PCYT1B: variants seen among roughly 807,000 people sequenced by gnomAD.
The protein encoded by PCYT1B is phosphate cytidylyltransferase 1B, choline.
PCYT1B carries 10 observed loss-of-function variants against 26.4 expected under a neutral mutation model. The observed-to-expected ratio is 0.38, with a 90% CI of 0.23 to 0.64. The LOEUF (loss-of-function observed/expected upper bound fraction) is 0.64, where lower values mean the gene tolerates loss of function less well. PCYT1B is among the 30% of genes least tolerant of loss of function. The probability of loss-of-function intolerance (pLI) is 0.56; values close to 1 mark genes in which losing one functional copy is unlikely to be tolerated. For synonymous variants in PCYT1B, 131 were observed against 108.4 expected (o/e 1.21, Z -1.29); for missense variants, 161 against 292.7 (o/e 0.55, Z 3.28).
rs1229749653 is a variant in PCYT1B at position 24,599,316 on chromosome X, T to C, written c.334+8429A>G. On this transcript the variant is annotated intron_variant, in intron 3 of 7. Transcript: ENST00000379144. ...CAATAATAATAATAAATTATGTTGTTATTTTTGGTAAATAACTCAGAAGTT... is the reference window on the plus strand; with the variant it reads ...CAATAATAATAATAAATTATGTTGTCATTTTTGGTAAATAACTCAGAAGTT... Among the ~76,000 whole-genome samples the C allele has an allele frequency of 2.1e-4, 23 of 112,072 alleles. No individual in the cohort carries two copies. The Admixed American group carries it at 2.2e-3, about 11-fold the overall frequency.
chrX:24,579,442 C>A lies in PCYT1B; in HGVS notation c.582G>T (p.Thr194=), dbSNP rs374179198. The A allele has an allele frequency of 1.2e-5, 15 of 1,208,917 alleles. No homozygotes were observed. The highest frequency in any genetic ancestry group is 1.8e-5 in the South Asian group (1 of 56,718). ...HIKEAGMFVP[T]QRTEGISTSD... ...ATGTTGAGATGCCTTCTGTTCTCTG[C>A]GTTGGAACGAACATCCCTGTTCAAG... is the stretch of plus-strand genomic sequence containing the variant. Residue 194 remains threonine, a synonymous_variant, in exon 6 of 8, where the codon ACG becomes ACT. Coordinates refer to ENST00000379144, the MANE Select transcript of PCYT1B (RefSeq NM_004845.5).
At chrX:24,596,675 G>A (rs1285147038) in intron 3 of PCYT1B, among the ~76,000 whole-genome samples, 1 of 110,174 alleles carries the variant, frequency 9.1e-6, no homozygotes, top group Non-Finnish European at 1.9e-5. Context: ...CTAAGGTTGA[G>A]AAATAGACTA....
chrX:24,671,440 C>G (rs768501883), intron 1 of PCYT1B, among the ~76,000 whole-genome samples: 2 of 111,200 alleles, frequency 1.8e-5, no homozygotes, highest in South Asian at 7.8e-4. Flanking sequence ...GTACAAATTT[C>G]TCCAAATTTA....
At chrX:24,647,944 C>T (rs1466156212), upstream of PCYT1B, among the ~76,000 whole-genome samples, 1 of 112,245 alleles carries the variant, frequency 8.9e-6, no homozygotes, top group Non-Finnish European at 1.9e-5. Flanking sequence ...GCTGCCCTTT[C>T]GCAGTTGCTT....
chrX:24,651,850 A>G (rs1926791122), upstream of PCYT1B, among the ~76,000 whole-genome samples: 1 of 110,180 alleles, frequency 9.1e-6, no homozygotes, highest in Non-Finnish European at 1.9e-5. Context: ...AACAATGAAC[A>G]TTACTGTCCT....
intron 1 of PCYT1B, among the ~76,000 whole-genome samples, chrX:24,654,409 C>T (rs904817430): frequency 9.6e-6 from 1 of 104,018 alleles, no homozygotes; most frequent in Admixed American, 1.0e-4. Flanking sequence ...GCCTGGCCCA[C>T]GTTTCCTTTT....
chrX:24,629,420 T>C (rs746912561), intron 1 of PCYT1B, among the ~76,000 whole-genome samples: 1 of 106,853 alleles, frequency 9.4e-6, no homozygotes, highest in Non-Finnish European at 1.9e-5. Flanking sequence ...TAGCTAGGCA[T>C]GGTGGTGTAC....
intron 1 of PCYT1B, chrX:24,632,364 C>G: frequency 6.7e-6 from 1 of 149,162 alleles, no homozygotes; most frequent in East Asian, 1.6e-4. Context: ...GCTACTCTAT[C>G]TACATTTACA....
upstream of PCYT1B, chrX:24,672,739 C>T: frequency 1.7e-6 from 1 of 578,730 alleles, no homozygotes. Flanking sequence ...GTCAAGCAGG[C>T]TCTCTGTGCC....
chrX:24,587,463 G>A (rs1924405823), intron 4 of PCYT1B, 144 bp from the exon 5 acceptor site: 3 of 442,213 alleles, frequency 6.8e-6, no homozygotes, highest in Non-Finnish European at 1.2e-5. Flanking sequence ...TGAATCCTTG[G>A]CTGAAATGTA....
At chrX:24,607,037 C>G (rs1032312811) in intron 3 of PCYT1B, among the ~76,000 whole-genome samples, 3 of 112,105 alleles carry the variant, frequency 2.7e-5, no homozygotes, top group Non-Finnish European at 5.6e-5. Flanking sequence ...TGAATATGCT[C>G]CTTCCTGAAG....
intron 4 of PCYT1B, among the ~76,000 whole-genome samples, chrX:24,588,893 ATGTT>A (rs1238241060): frequency 1.4e-4 from 16 of 111,127 alleles, no homozygotes; most frequent in Middle Eastern, 4.2e-3. Context: ...TCCTCAATAA[ATGTT>A]TATTATTATT....
intron 1 of PCYT1B, among the ~76,000 whole-genome samples, chrX:24,656,229 C>CGGGG (rs34445837): frequency 7.5e-4 from 33 of 43,958 alleles, no homozygotes; most frequent in African/African-American, 9.0e-4. Context: ...CAGGGGGTCG[C>CGGGG]GGGGGGGGGT....
intron 4 of PCYT1B, 120 bp from the exon 5 acceptor site, chrX:24,587,439 T>A (rs1397748426): frequency 1.0e-5 from 5 of 483,645 alleles, no homozygotes; most frequent in Non-Finnish European, 1.9e-5. Flanking sequence ...TATGTTACAT[T>A]TATAGTGGAG....
At chrX:24,639,805 T>G (rs746884601) in intron 1 of PCYT1B, among the ~76,000 whole-genome samples, 1 of 111,040 alleles carries the variant, frequency 9.0e-6, no homozygotes, top group South Asian at 3.9e-4. Flanking sequence ...GGTGTCTTTT[T>G]TTCTCCCTGA....
chrX:24,649,443 G>A (rs139508913), upstream of PCYT1B, among the ~76,000 whole-genome samples: 1,939 of 110,861 alleles, frequency 0.017, 45 homozygotes, highest in African/African-American at 0.061. Flanking sequence ...AAACCTCCTG[G>A]TTTGGGAGGC....
chrX:24,597,677 T>C (rs1924831551), intron 3 of PCYT1B, among the ~76,000 whole-genome samples: 1 of 112,383 alleles, frequency 8.9e-6, no homozygotes, highest in Non-Finnish European at 1.9e-5. Flanking sequence ...CAAAGCACCA[T>C]GAACCTATGA....
chrX:24,626,517 T>A (rs1925888930), intron 1 of PCYT1B, among the ~76,000 whole-genome samples: 2 of 112,608 alleles, frequency 1.8e-5, no homozygotes, highest in African/African-American at 6.4e-5. Context: ...CATGCAATGT[T>A]CATAATGCAA....
chrX:24,597,345 G>A (rs757034544), intron 3 of PCYT1B, among the ~76,000 whole-genome samples: 3 of 110,788 alleles, frequency 2.7e-5, no homozygotes, highest in African/African-American at 6.5e-5. Flanking sequence ...GGCTGGTCCC[G>A]AACTCCTCAC....
Sources: allele counts gnomAD v4.1 joint callset (sites outside exome capture counted in the v4.1 genomes callset), GRCh38; gene constraint gnomAD v4.1.1; transcripts MANE v1.5; gene names NCBI Gene and HGNC (gene_info 2026-07-23, HGNC 2026-07-21).